The following TCF4 variants were observed in gnomAD, a reference collection of about 807,000 sequenced individuals.
TCF4 encodes the protein SL3-3 enhancer factor 2.
In TCF4, 3 loss-of-function variants were observed where a neutral mutation model predicts 82.1. That is an observed-to-expected ratio of 0.04 (90% CI 0.02 to 0.09). The LOEUF (loss-of-function observed/expected upper bound fraction) is 0.09. Among genes scored for constraint, TCF4 ranks in the 10% least tolerant of loss-of-function variants. TCF4 has a pLI of 1.00. For synonymous variants in TCF4, 276 were observed against 309.6 expected (o/e 0.89, Z 1.14); for missense variants, 518 against 852.7 (o/e 0.61, Z 4.89).
chr18:55,286,690 A>G lies in TCF4; in HGVS notation c.550-7034T>C, dbSNP rs1209118875. 2.6e-5 allele frequency among the ~76,000 whole-genome samples: 4 copies of G among 152,338 alleles called. No individual in the cohort carries two copies. The East Asian group carries it at 7.7e-4, about 29-fold the overall frequency. On this transcript the variant is annotated intron_variant, in intron 8 of 19. Transcript: ENST00000354452. ...GCAGGTGAACAGTCCAAGACTGCAA[A>G]CAACCAAAAACCAAACCAAACCACA... is the stretch of plus-strand genomic sequence containing the variant.
At chr18:55,251,322 A>G (rs1167747586) in intron 15 of TCF4, among the ~76,000 whole-genome samples, 2 of 64,266 alleles carry the variant, frequency 3.1e-5, no homozygotes, top group Admixed American at 1.4e-4. Context: ...TGCCGCTGTG[A>G]AAAAAAAAAA....
At chr18:55,304,613 G>A (rs2069574547) in intron 8 of TCF4, among the ~76,000 whole-genome samples, 1 of 152,122 alleles carries the variant, frequency 6.6e-6, no homozygotes, top group Admixed American at 6.6e-5. Flanking sequence ...CACGAGGGCA[G>A]AATTCCTTGT....
chr18:55,403,834 A>G, intron 5 of TCF4: 3 of 1,486,314 alleles, frequency 2.0e-6, no homozygotes, highest in Non-Finnish European at 2.7e-6. Flanking sequence ...AAATTTAAAC[A>G]ATTTCATTTT....
At chr18:55,512,396 T>C (rs2096837470) in intron 3 of TCF4, among the ~76,000 whole-genome samples, 1 of 152,104 alleles carries the variant, frequency 6.6e-6, no homozygotes, top group Non-Finnish European at 1.5e-5. Flanking sequence ...AATAAACAAA[T>C]TTCATGTTAT....
intron 3 of TCF4, among the ~76,000 whole-genome samples, chr18:55,533,425 G>C (rs1173636784): frequency 2.6e-5 from 4 of 152,084 alleles, no homozygotes; most frequent in Non-Finnish European, 4.4e-5. Flanking sequence ...GTCAGGGCAG[G>C]GTCTACCTGG....
intron 2 of TCF4, chr18:55,585,883 A>T: frequency 8.3e-7 from 1 of 1,205,604 alleles, no homozygotes; most frequent in African/African-American, 1.5e-5. Flanking sequence ...TCTCACTCTC[A>T]CTCTCTCTTT....
chr18:55,513,570 T>C (rs2096850642), intron 3 of TCF4, among the ~76,000 whole-genome samples: 2 of 152,226 alleles, frequency 1.3e-5, no homozygotes, highest in South Asian at 2.1e-4. Flanking sequence ...TCCATAAATA[T>C]CTAACTACTC....
At position 55,364,378 on chromosome 18, in the gene TCF4, G is replaced by C. The variant is rs1660247; in HGVS notation, c.370-13375C>G. Among the ~76,000 whole-genome samples, 265 of 152,254 alleles carry C rather than the reference G, an allele frequency of 1.7e-3. 2 individuals are homozygous for C. The highest frequency in any genetic ancestry group is 6.1e-3 in the African/African-American group (255 of 41,538). The stretch of plus-strand genomic sequence containing the variant: ...ATGAAAAAGCATGTTTTTAAAAGTA[G>C]CTTCTGTAGCACATGACCTGTTTTT... On this transcript the variant is annotated intron_variant, in intron 6 of 19. Transcript: ENST00000354452.
intron 6 of TCF4, among the ~76,000 whole-genome samples, chr18:55,394,709 G>A (rs191319268): frequency 7.2e-5 from 11 of 152,212 alleles, no homozygotes; most frequent in South Asian, 2.1e-4. Context: ...TATTCTTGTC[G>A]GTTTCTGTTT....
intron 2 of TCF4, among the ~76,000 whole-genome samples, chr18:55,605,534 G>A (rs1462907085): frequency 6.6e-6 from 1 of 152,156 alleles, no homozygotes; most frequent in Non-Finnish European, 1.5e-5. Flanking sequence ...TGTTTTGGGG[G>A]AAGGAGGTGG....
chr18:55,425,260 G>A (rs1380230876), intron 5 of TCF4, among the ~76,000 whole-genome samples: 1 of 152,002 alleles, frequency 6.6e-6, no homozygotes, highest in Non-Finnish European at 1.5e-5. Flanking sequence ...GATTGGATTC[G>A]TTGAAATGAA....
Position 55,385,736 on chromosome 18 carries a change from G to C in TCF4, c.369+17718C>G, listed in dbSNP as rs191522820. ...CTAAAAGACCACTGAAGACTAAAAAGGTCAAGTGGAAAGGTAGATATCAGG... is the reference window on the plus strand; with the variant it reads ...CTAAAAGACCACTGAAGACTAAAAACGTCAAGTGGAAAGGTAGATATCAGG... On this transcript the variant is annotated intron_variant, in intron 6 of 19. Coordinates refer to ENST00000354452, the MANE Select transcript of TCF4 (RefSeq NM_001083962.2). 2.1e-3 allele frequency among the ~76,000 whole-genome samples: 315 copies of C among 152,300 alleles called. 4 individuals are homozygous for C. The highest frequency in any genetic ancestry group is 9.8e-3 in the South Asian group (47 of 4,816).
chr18:55,314,677 A>G (rs2073606109), intron 8 of TCF4, among the ~76,000 whole-genome samples: 2 of 151,704 alleles, frequency 1.3e-5, no homozygotes, highest in Admixed American at 1.3e-4. Context: ...GTCTTTCAGT[A>G]GGAGCATTTT....
intron 3 of TCF4, among the ~76,000 whole-genome samples, chr18:55,516,654 T>A (rs1427401085): frequency 6.6e-6 from 1 of 152,116 alleles, no homozygotes; most frequent in Admixed American, 6.6e-5. Context: ...ATATGACATT[T>A]GAGTGAAGAG....
At chr18:55,235,416 T>C (rs945078023) in intron 15 of TCF4, among the ~76,000 whole-genome samples, 20 of 152,190 alleles carry the variant, frequency 1.3e-4, no homozygotes, top group Non-Finnish European at 4.4e-5. Flanking sequence ...GGAAGGATGT[T>C]TGGACATTTT....
chr18:55,321,866 G>T, intron 8 of TCF4: 2 of 1,459,472 alleles, frequency 1.4e-6, no homozygotes, highest in Non-Finnish European at 1.8e-6. Context: ...TGGTGAATAT[G>T]CAAAGCAGGA....
At position 55,316,439 on chromosome 18, in the gene TCF4, T is replaced by C. The variant is rs190735204; in HGVS notation, c.549+33920A>G. 1.5e-3 allele frequency among the ~76,000 whole-genome samples: 222 copies of C among 152,178 alleles called. 1 individual carries two copies. Among genetic ancestry groups the C allele is most frequent in the African/African-American group, 4.8e-3 (198 of 41,560 alleles). On this transcript the variant is annotated intron_variant, in intron 8 of 19. Transcript: ENST00000354452. ...TAGACTGCAGCATTGTTTTTCTTAG[T>C]GGCAGAGCAGTAATAGAAGTTTCAA...
chr18:55,474,538 T>C (rs1178024177), intron 3 of TCF4, among the ~76,000 whole-genome samples: 1 of 152,162 alleles, frequency 6.6e-6, no homozygotes, highest in Non-Finnish European at 1.5e-5. Context: ...CTTGAAATGA[T>C]TCCAGCAACT....
intron 2 of TCF4, among the ~76,000 whole-genome samples, chr18:55,609,915 G>A (rs916712953): frequency 3.8e-4 from 30 of 79,298 alleles, no homozygotes; most frequent in Non-Finnish European, 9.0e-4. Flanking sequence ...CTCACCCCCT[G>A]TTTGTTTTCT....
Sources: gnomAD v4.1 joint callset for allele counts (sites outside exome capture counted in the v4.1 genomes callset) on GRCh38, gnomAD v4.1.1 for gene constraint, MANE v1.5 for transcripts, NCBI Gene and HGNC (gene_info 2026-07-23, HGNC 2026-07-21) for gene names.